CFAP47: variants seen among roughly 807,000 people sequenced by gnomAD.
The protein encoded by CFAP47 is cilia- and flagella-associated protein 47.
CFAP47 carries 29 observed loss-of-function variants against 148.1 expected under a neutral mutation model. The observed-to-expected ratio is 0.20, with a 90% CI of 0.15 to 0.27. The LOEUF is 0.27. Among genes scored for constraint, CFAP47 ranks in the 10% least tolerant of loss-of-function variants. The pLI is 1.00. For synonymous variants in CFAP47, 664 were observed against 577.3 expected, an observed-to-expected ratio of 1.15 and a Z score of -2.15; for missense variants, 1,872 against 1,697.5, an observed-to-expected ratio of 1.10 and a Z score of -1.81.
At chrX:36,089,705 A>G (rs1938152035) in intron 30 of CFAP47, among the ~76,000 whole-genome samples, 1 of 112,143 alleles carries the variant, frequency 8.9e-6, no homozygotes, top group South Asian at 3.7e-4. Flanking sequence ...GAAGAATTAC[A>G]TCAGGGAAAT....
Position 36,039,142 on chromosome X carries a change from G to A in CFAP47, c.3970G>A (p.Val1324Ile), listed in dbSNP as rs1307070954. Residue 1324 changes from valine (V) to isoleucine (I), a missense_variant, in exon 25 of 64, where the codon GTA becomes ATA. Transcript: ENST00000378653. The part of the protein sequence containing the change: ...FTPVPLDITT[V>I]MDINILPQNY... ...TCCTGTTCCTTTGGATATAACAACTGTAATGGATATCAACATTTTACCTCA... is the reference window on the plus strand; with the variant it reads ...TCCTGTTCCTTTGGATATAACAACTATAATGGATATCAACATTTTACCTCA... The A allele has an allele frequency of 5.5e-6, 6 of 1,087,297 alleles. No homozygotes were observed. The highest frequency in any genetic ancestry group is 7.4e-6 in the Non-Finnish European group (6 of 812,052). The allele number at this position is 1,087,297 out of a possible 1,213,427, so 89.6% of individuals were successfully genotyped here. A position where few individuals can be genotyped will look rare whatever the true frequency, so the allele number is the denominator to read the frequency against.
intron 62 of CFAP47, among the ~76,000 whole-genome samples, chrX:36,373,240 A>T (rs1187149217): frequency 9.0e-6 from 1 of 111,593 alleles, no homozygotes; most frequent in African/African-American, 3.3e-5. Flanking sequence ...CAGTGTATAA[A>T]TATTTTATTT....
intron 63 of CFAP47, among the ~76,000 whole-genome samples, chrX:36,383,614 T>A (rs1942099031): frequency 8.9e-6 from 1 of 112,007 alleles, no homozygotes; most frequent in African/African-American, 3.2e-5. Context: ...ACACACTGAT[T>A]CTGAATACAT....
At chrX:35,930,363 C>A (rs1935808732) in intron 2 of CFAP47, among the ~76,000 whole-genome samples, 1 of 110,242 alleles carries the variant, frequency 9.1e-6, no homozygotes, top group Non-Finnish European at 1.9e-5. Flanking sequence ...ATTATTGTGT[C>A]CCAGTTTATT....
In CFAP47 at chrX:36,371,797, T is replaced by C. The variant is rs868907011; in HGVS notation, c.9185+4670T>C. On this transcript the variant is annotated intron_variant, in intron 62 of 63. Transcript: ENST00000378653. ...ACACATGTGTATATATGTGTGTATATACACACATGTATATATGTGTGCATA... is the reference window on the plus strand; with the variant it reads ...ACACATGTGTATATATGTGTGTATACACACACATGTATATATGTGTGCATA... Among the ~76,000 whole-genome samples the C allele has an allele frequency of 3.5e-5, 2 of 57,153 alleles. 1 individual carries two copies. Among genetic ancestry groups the C allele is most frequent in the Non-Finnish European group, 5.4e-5 (2 of 36,899 alleles). The allele number at this position is 57,153 out of a possible 115,157, so 49.6% of individuals were successfully genotyped here.
intron 15 of CFAP47, among the ~76,000 whole-genome samples, chrX:35,980,433 C>A (rs761004853): frequency 1.3e-4 from 14 of 111,018 alleles, no homozygotes; most frequent in African/African-American, 4.6e-4. Context: ...AATTACTTCC[C>A]ATCACAATCT....
At chrX:36,285,767 G>A (rs1569308605) in intron 51 of CFAP47, 41 bp downstream of exon 51, 4 of 1,022,785 alleles carry the variant, frequency 3.9e-6, no homozygotes, top group Non-Finnish European at 5.3e-6. Context: ...GTCATTTTGT[G>A]AGCACTCAGA....
intron 39 of CFAP47, among the ~76,000 whole-genome samples, chrX:36,168,818 G>A (rs778402532): frequency 8.9e-6 from 1 of 111,974 alleles, no homozygotes; most frequent in South Asian, 3.7e-4. Context: ...ATTTACCAGT[G>A]TAGTCACCTT....
intron 17 of CFAP47, 145 bp downstream of exon 17, chrX:35,992,088 C>G: frequency 3.7e-6 from 1 of 270,286 alleles, no homozygotes. Context: ...AGTTTGTCCT[C>G]TTAATTTCTT....
At chrX:36,199,972 C>T (rs1939961932) in intron 42 of CFAP47, among the ~76,000 whole-genome samples, 1 of 111,704 alleles carries the variant, frequency 9.0e-6, no homozygotes, top group African/African-American at 3.2e-5. Context: ...TTTTGAAAGC[C>T]TGCACTTTAA....
chrX:36,179,682 A>G (rs1939727901), intron 40 of CFAP47, among the ~76,000 whole-genome samples: 1 of 111,918 alleles, frequency 8.9e-6, no homozygotes, highest in South Asian at 3.7e-4. Context: ...TTCTGCACAT[A>G]TTATGTTTGT....
At chrX:35,958,709 A>G (rs1315313775) in intron 8 of CFAP47, among the ~76,000 whole-genome samples, 3 of 112,005 alleles carry the variant, frequency 2.7e-5, no homozygotes, top group Admixed American at 9.5e-5. Context: ...TATCTATGAT[A>G]GGCAGAATAA....
chrX:36,102,347 G>A (rs544813037), intron 32 of CFAP47, among the ~76,000 whole-genome samples: 23 of 111,684 alleles, frequency 2.1e-4, no homozygotes, highest in African/African-American at 7.5e-4. Flanking sequence ...TGCCCCAGGT[G>A]TATTTGGATT....
At chrX:36,169,171 G>A (rs926780311) in intron 39 of CFAP47, among the ~76,000 whole-genome samples, 4 of 110,878 alleles carry the variant, frequency 3.6e-5, no homozygotes, top group African/African-American at 6.5e-5. Context: ...TAGACACTGA[G>A]TCAATTTTGT....
rs1939849100 is a variant in CFAP47 at position 36,190,046 on chromosome X, G to C, written c.6176-5G>C. ...TGTCAACAAGCTCTGTTTATGTTTT[G>C]CTAGCAATTAAGTCCACTTTTATCA... is the stretch of plus-strand genomic sequence containing the variant. On this transcript the variant is annotated splice_polypyrimidine_tract_variant and splice_region_variant and intron_variant, in intron 41 of 63. Transcript: ENST00000378653. 1.7e-5 allele frequency: 5 copies of C among 297,363 alleles called. No individual in the cohort carries two copies. In the East Asian group the frequency reaches 2.4e-4, roughly 14 times the overall value. 24.5% of individuals were successfully genotyped at this position (297,363 alleles called of 1,213,427 possible). A position where few individuals can be genotyped will look rare whatever the true frequency, so the allele number is the denominator to read the frequency against.
chrX:36,307,217 G>C (rs1356595690), intron 55 of CFAP47, among the ~76,000 whole-genome samples: 1 of 111,303 alleles, frequency 9.0e-6, no homozygotes, highest in African/African-American at 3.3e-5. Context: ...ATAAAATATA[G>C]AGTGCAATTT....
chrX:36,204,410 C>G (rs1555988529), intron 44 of CFAP47, among the ~76,000 whole-genome samples: 1 of 108,982 alleles, frequency 9.2e-6, no homozygotes, highest in African/African-American at 3.4e-5. Context: ...AGGGGAACAT[C>G]ACACACCAGG....
intron 27 of CFAP47, among the ~76,000 whole-genome samples, chrX:36,066,727 T>TAGAAAGG (rs1216502822): frequency 9.0e-6 from 1 of 111,625 alleles, no homozygotes; most frequent in African/African-American, 3.3e-5. Flanking sequence ...AGGAAGACAG[T>TAGAAAGG]AGAAAGGAGA....
intron 62 of CFAP47, among the ~76,000 whole-genome samples, chrX:36,373,817 C>T (rs781954643): frequency 5.4e-5 from 6 of 111,811 alleles, no homozygotes; most frequent in African/African-American, 9.7e-5. Context: ...ATTCAGCATC[C>T]GTTGGGATGA....
Sources: gnomAD v4.1 joint callset for allele counts (sites outside exome capture counted in the v4.1 genomes callset) on GRCh38, gnomAD v4.1.1 for gene constraint, MANE v1.5 for transcripts, NCBI Gene and HGNC (gene_info 2026-07-23, HGNC 2026-07-21) for gene names.